AP3B1: variants seen among roughly 807,000 people sequenced by gnomAD.
AP3B1 encodes adaptor related protein complex 3 subunit beta 1, also known as AP-3 complex subunit beta-1.
A neutral mutation model predicts 132.5 loss-of-function variants in AP3B1; 61 were observed. The observed-to-expected ratio is 0.46, with a 90% CI of 0.37 to 0.57. The LOEUF (loss-of-function observed/expected upper bound fraction) is 0.57, where lower values mean the gene tolerates loss of function less well. AP3B1 is among the 20% of genes least tolerant of loss of function. The probability of loss-of-function intolerance (pLI) is 0.00; values close to 1 mark genes in which losing one functional copy is unlikely to be tolerated. For missense variants in AP3B1, 1,120 were observed against 1,289.4 expected, an observed-to-expected ratio of 0.87 and a Z score of 2.01; for synonymous variants, 388 against 438.3, an observed-to-expected ratio of 0.89 and a Z score of 1.43.
intron 21 of AP3B1, among the ~76,000 whole-genome samples, chr5:78,097,606 G>T (rs1450468769): frequency 1.5e-5 from 2 of 129,978 alleles, no homozygotes; most frequent in African/African-American, 3.2e-5. Flanking sequence ...GGAGGGAGGT[G>T]GGGGGGTCAG....
At chr5:78,227,827 A>G (rs1002172506) in intron 4 of AP3B1, among the ~76,000 whole-genome samples, 3 of 152,146 alleles carry the variant, frequency 2.0e-5, no homozygotes, top group Non-Finnish European at 2.9e-5. Flanking sequence ...CAGGTCATCA[A>G]TTTCATGTTT....
chr5:78,018,065 AAG>A (rs1336251095), intron 25 of AP3B1, among the ~76,000 whole-genome samples: 1 of 152,056 alleles, frequency 6.6e-6, no homozygotes, highest in Non-Finnish European at 1.5e-5. Context: ...GAAAATGAAT[AAG>A]AGGAGTTATC....
At chr5:78,081,914 A>T (rs1236428985) in intron 22 of AP3B1, among the ~76,000 whole-genome samples, 1 of 137,474 alleles carries the variant, frequency 7.3e-6, no homozygotes, top group Non-Finnish European at 1.5e-5. Context: ...AAAAAAAAAA[A>T]CAGTTATAAT....
chr5:78,145,091 T>C (rs1403973242), intron 14 of AP3B1, among the ~76,000 whole-genome samples: 4 of 152,204 alleles, frequency 2.6e-5, no homozygotes, highest in Non-Finnish European at 5.9e-5. Flanking sequence ...AATCAGAACA[T>C]GTAAGTTGAC....
chr5:78,152,125 C>T (rs929924930), intron 14 of AP3B1, among the ~76,000 whole-genome samples: 2 of 116,362 alleles, frequency 1.7e-5, no homozygotes, highest in East Asian at 2.3e-4. Flanking sequence ...CTCCTTCTCC[C>T]TCTCCCTTCC....
intron 2 of AP3B1, among the ~76,000 whole-genome samples, chr5:78,266,592 C>T (rs912870718): frequency 2.6e-5 from 4 of 152,098 alleles, no homozygotes; most frequent in African/African-American, 7.2e-5. Flanking sequence ...GTTGTGTCAT[C>T]GCCTTATTAC....
chr5:78,101,140 T>G (rs1257560819), intron 20 of AP3B1, 115 bp from the exon 21 acceptor site: 12 of 627,674 alleles, frequency 1.9e-5, no homozygotes, highest in Non-Finnish European at 3.4e-5. Context: ...ACCAACAAAT[T>G]AAACTTCTGT....
chr5:78,155,134 C>G (rs1743094230), intron 14 of AP3B1, among the ~76,000 whole-genome samples: 1 of 152,186 alleles, frequency 6.6e-6, no homozygotes, highest in South Asian at 2.1e-4. Context: ...ACTTGGGCCT[C>G]AAGCCCAATA....
intron 1 of AP3B1, among the ~76,000 whole-genome samples, chr5:78,278,375 G>A (rs1294863938): frequency 2.2e-5 from 2 of 92,060 alleles, no homozygotes; most frequent in African/African-American, 6.0e-5. Context: ...CGAGGCGGGC[G>A]GATCACGAGG....
At position 78,056,337 on chromosome 5, in the gene AP3B1, T is replaced by C. The variant is rs571363628; in HGVS notation, c.2578-17063A>G. 3.1e-4 allele frequency among the ~76,000 whole-genome samples: 47 copies of C among 152,318 alleles called. 1 individual carries two copies. The highest frequency in any genetic ancestry group is 1.5e-3 in the South Asian group (7 of 4,822). On this transcript the variant is annotated intron_variant, in intron 22 of 26. Transcript: ENST00000255194. Reference sequence around the variant, plus strand: ...ATCATACATATCCTGTCTGTTTCACTGAGTTGTCTTGAGGATCAAATGAGA... The same window carrying C: ...ATCATACATATCCTGTCTGTTTCACCGAGTTGTCTTGAGGATCAAATGAGA...
At chr5:78,215,499 A>C (rs576837382) in intron 7 of AP3B1, among the ~76,000 whole-genome samples, 2 of 152,316 alleles carry the variant, frequency 1.3e-5, no homozygotes, top group South Asian at 4.1e-4. Flanking sequence ...AAATAGCTTC[A>C]CTTAAATTAT....
intron 19 of AP3B1, among the ~76,000 whole-genome samples, chr5:78,112,376 T>A (rs551751183): frequency 6.6e-6 from 1 of 152,310 alleles, no homozygotes; most frequent in East Asian, 1.9e-4. Context: ...CTTAAAAATA[T>A]AAGGTTTAGA....
intron 22 of AP3B1, among the ~76,000 whole-genome samples, chr5:78,083,683 A>C (rs1750110073): frequency 6.6e-6 from 1 of 152,242 alleles, no homozygotes; most frequent in Admixed American, 6.5e-5. Flanking sequence ...AGACTAAAAC[A>C]TGCTGTGTTT....
chr5:78,290,110 A>G (rs985289611), intron 1 of AP3B1, among the ~76,000 whole-genome samples: 93 of 152,356 alleles, frequency 6.1e-4, no homozygotes, highest in Non-Finnish European at 1.8e-4. Flanking sequence ...AAAAGAGGCA[A>G]GTATTATCAC....
intron 2 of AP3B1, among the ~76,000 whole-genome samples, chr5:78,261,540 A>G (rs1477499819): frequency 6.6e-6 from 1 of 152,166 alleles, no homozygotes; most frequent in Non-Finnish European, 1.5e-5. Context: ...ACCTCGGCTC[A>G]CTGCAATCTC....
chr5:78,036,657 G>A (rs1747821510), intron 23 of AP3B1, among the ~76,000 whole-genome samples: 2 of 151,930 alleles, frequency 1.3e-5, no homozygotes, highest in South Asian at 4.1e-4. Flanking sequence ...TTCTTGTAAG[G>A]AATACAGTTT....
intron 22 of AP3B1, chr5:78,041,952 C>A (rs553077896): frequency 1.0e-4 from 21 of 202,702 alleles, no homozygotes; most frequent in African/African-American, 4.7e-4. Flanking sequence ...ACTCCTTGAG[C>A]TGCTGCACGC....
intron 2 of AP3B1, among the ~76,000 whole-genome samples, chr5:78,266,032 A>G (rs1748308173): frequency 6.6e-6 from 1 of 152,226 alleles, no homozygotes; most frequent in Non-Finnish European, 1.5e-5. Context: ...ACAGATGCAC[A>G]GTGACCAATC....
intron 7 of AP3B1, among the ~76,000 whole-genome samples, chr5:78,195,064 CAA>C (rs35455070): frequency 1.5e-5 from 2 of 137,578 alleles, no homozygotes; most frequent in Admixed American, 7.3e-5. Flanking sequence ...TGGACCAAAC[CAA>C]AAAAAAAAAA....
Sources: gnomAD v4.1 joint callset for allele counts (sites outside exome capture counted in the v4.1 genomes callset) on GRCh38, gnomAD v4.1.1 for gene constraint, MANE v1.5 for transcripts, NCBI Gene and HGNC (gene_info 2026-07-23, HGNC 2026-07-21) for gene names.